Variants in TRAPPC9 observed in about 807,000 individuals in gnomAD.
TRAPPC9 encodes trafficking protein particle complex subunit 9, also known as IKK2 binding protein.
A neutral mutation model predicts 124.0 loss-of-function variants in TRAPPC9; 83 were observed. That is an observed-to-expected ratio of 0.67 (90% CI 0.56 to 0.80). The LOEUF is 0.80. Ranked by LOEUF, TRAPPC9 falls within the 30% of genes least tolerant of loss-of-function variation. The pLI is 0.00. For synonymous variants in TRAPPC9, 638 were observed against 617.5 expected (o/e 1.03, Z -0.49); for missense variants, 1,302 against 1,508.3 (o/e 0.86, Z 2.27).
intron 21 of TRAPPC9, among the ~76,000 whole-genome samples, chr8:139,803,704 C>T (rs1051485750): frequency 7.2e-5 from 11 of 152,200 alleles, no homozygotes; most frequent in African/African-American, 2.7e-4. Context: ...CCATTTTTCT[C>T]AAAGGCGATA....
intron 21 of TRAPPC9, among the ~76,000 whole-genome samples, chr8:139,769,011 A>G (rs1392184447): frequency 6.6e-6 from 1 of 152,248 alleles, no homozygotes; most frequent in Non-Finnish European, 1.5e-5. Flanking sequence ...AGAAGAAACC[A>G]GTGCTGCCGA....
intron 8 of TRAPPC9, among the ~76,000 whole-genome samples, chr8:140,363,828 C>A (rs1412347596): frequency 1.3e-5 from 2 of 152,046 alleles, no homozygotes; most frequent in African/African-American, 4.8e-5. Context: ...GAACTCCTGA[C>A]CTCAGGTGAC....
chr8:140,271,882 G>A (rs1261870967), intron 15 of TRAPPC9, among the ~76,000 whole-genome samples: 1 of 152,240 alleles, frequency 6.6e-6, no homozygotes, highest in Non-Finnish European at 1.5e-5. Flanking sequence ...AAGTGGTGGT[G>A]TCTGTGGCAA....
At chr8:139,846,788 G>C (rs1827113368) in intron 21 of TRAPPC9, among the ~76,000 whole-genome samples, 1 of 152,216 alleles carries the variant, frequency 6.6e-6, no homozygotes, top group Non-Finnish European at 1.5e-5. Context: ...GCTGTGCCCA[G>C]CAGGCCACCC....
At chr8:139,995,869 A>C (rs922645413) in intron 18 of TRAPPC9, among the ~76,000 whole-genome samples, 1 of 149,644 alleles carries the variant, frequency 6.7e-6, no homozygotes, top group African/African-American at 2.5e-5. Flanking sequence ...ATTAAAAAAA[A>C]AAAAAAAAAA....
At chr8:140,179,846 T>C (rs1255071038) in intron 17 of TRAPPC9, among the ~76,000 whole-genome samples, 1 of 152,092 alleles carries the variant, frequency 6.6e-6, no homozygotes, top group Admixed American at 6.5e-5. Flanking sequence ...ATAATACTAC[T>C]GGTCAACTTT....
At chr8:140,255,491 G>C (rs1422651424) in intron 15 of TRAPPC9, among the ~76,000 whole-genome samples, 2 of 152,254 alleles carry the variant, frequency 1.3e-5, no homozygotes, top group Non-Finnish European at 2.9e-5. Context: ...GGAAAAGACA[G>C]ATGGCTGGGA....
intron 17 of TRAPPC9, among the ~76,000 whole-genome samples, chr8:140,185,750 G>A (rs553443964): frequency 6.6e-6 from 1 of 152,352 alleles, no homozygotes; most frequent in South Asian, 2.1e-4. Context: ...CCATGCTCGG[G>A]AACCCGGCAT....
chr8:140,382,710 C>T (rs2068644699), intron 7 of TRAPPC9, among the ~76,000 whole-genome samples: 1 of 152,224 alleles, frequency 6.6e-6, no homozygotes, highest in African/African-American at 2.4e-5. Flanking sequence ...GCCTGCCTGC[C>T]TCTGTAGACT....
chr8:140,064,048 C>T (rs919626773), intron 17 of TRAPPC9, among the ~76,000 whole-genome samples: 3 of 151,814 alleles, frequency 2.0e-5, no homozygotes, highest in African/African-American at 7.3e-5. Context: ...TCTGTGTAGC[C>T]ATTTATCTAG....
intron 10 of TRAPPC9, 24 bp downstream of exon 10, chr8:140,311,224 C>G: frequency 6.2e-7 from 1 of 1,607,318 alleles, no homozygotes; most frequent in Non-Finnish European, 8.5e-7. Context: ...AGCTGCCTTT[C>G]CGGCTCTGCA....
intron 17 of TRAPPC9, among the ~76,000 whole-genome samples, chr8:140,207,535 T>C (rs543129809): frequency 5.1e-4 from 77 of 152,240 alleles, no homozygotes; most frequent in Non-Finnish European, 5.1e-4. Flanking sequence ...GTCTGGTTTT[T>C]TTCCTACTGT....
At chr8:140,062,944 G>C (rs1020624083) in intron 17 of TRAPPC9, among the ~76,000 whole-genome samples, 2 of 152,202 alleles carry the variant, frequency 1.3e-5, no homozygotes, top group Non-Finnish European at 2.9e-5. Flanking sequence ...ATAAAGGAAA[G>C]AGGTTTAATT....
chr8:140,223,203 T>C (rs188140950), intron 16 of TRAPPC9, among the ~76,000 whole-genome samples: 2 of 152,256 alleles, frequency 1.3e-5, no homozygotes, highest in African/African-American at 2.4e-5. Context: ...CCAGCGTGTG[T>C]TGTTCCCCTC....
chr8:140,359,566 C>T (rs945884051), intron 9 of TRAPPC9, among the ~76,000 whole-genome samples: 2 of 152,124 alleles, frequency 1.3e-5, no homozygotes, highest in African/African-American at 4.8e-5. Flanking sequence ...TGGAGTTACC[C>T]AGTGACTCGA....
intron 15 of TRAPPC9, among the ~76,000 whole-genome samples, chr8:140,270,190 A>G (rs1588055993): frequency 6.6e-6 from 1 of 152,148 alleles, no homozygotes; most frequent in Non-Finnish European, 1.5e-5. Flanking sequence ...ATGACCAAGA[A>G]GCAGAGGAAG....
chr8:140,015,671 G>C (rs189282442), intron 18 of TRAPPC9, among the ~76,000 whole-genome samples: 1 of 151,916 alleles, frequency 6.6e-6, no homozygotes, highest in Non-Finnish European at 1.5e-5. Context: ...AGCCAGGCAC[G>C]GTGGCTCATG....
chr8:139,830,958 C>A (rs1020270260), intron 21 of TRAPPC9, among the ~76,000 whole-genome samples: 1 of 152,252 alleles, frequency 6.6e-6, no homozygotes, highest in Non-Finnish European at 1.5e-5. Flanking sequence ...TCGCTGGCCG[C>A]GCTGACTGAC....
At chr8:140,400,287 A>C (rs1196744210) in intron 6 of TRAPPC9, among the ~76,000 whole-genome samples, 1 of 152,246 alleles carries the variant, frequency 6.6e-6, no homozygotes, top group Non-Finnish European at 1.5e-5. Flanking sequence ...GGTGTGGCTG[A>C]GTGAGTCTAT....
Sources: gnomAD v4.1 joint callset for allele counts (sites outside exome capture counted in the v4.1 genomes callset) on GRCh38, gnomAD v4.1.1 for gene constraint, MANE v1.5 for transcripts, NCBI Gene and HGNC (gene_info 2026-07-23, HGNC 2026-07-21) for gene names.